EXOC4: variants seen among roughly 807,000 people sequenced by gnomAD.
The protein encoded by EXOC4 is SEC8-like 1.
EXOC4 carries 71 observed loss-of-function variants against 107.2 expected under a neutral mutation model. The ratio of observed to expected loss-of-function variants is 0.66; its 90% CI spans 0.55 to 0.81. EXOC4 has a LOEUF of 0.81. Among genes scored for constraint, EXOC4 ranks in the 30% least tolerant of loss-of-function variants. The pLI is 0.00. For synonymous variants in EXOC4, 456 were observed against 441.2 expected, an observed-to-expected ratio of 1.03 and a Z score of -0.42; for missense variants, 1,108 against 1,189.6, an observed-to-expected ratio of 0.93 and a Z score of 1.01.
chr7:133,576,059 T>C (rs1188745275), intron 9 of EXOC4, among the ~76,000 whole-genome samples: 27 of 152,218 alleles, frequency 1.8e-4, no homozygotes, highest in Admixed American at 7.2e-4. Context: ...ACTTTTCTTA[T>C]TATCTATTAG....
At chr7:133,650,002 A>G (rs1014074940) in intron 10 of EXOC4, among the ~76,000 whole-genome samples, 1 of 152,150 alleles carries the variant, frequency 6.6e-6, no homozygotes, top group African/African-American at 2.4e-5. Flanking sequence ...CCTAAGATTT[A>G]GTTATTTTCT....
intron 10 of EXOC4, among the ~76,000 whole-genome samples, chr7:133,809,913 C>A (rs918426200): frequency 1.3e-5 from 2 of 152,004 alleles, no homozygotes; most frequent in African/African-American, 2.4e-5. Flanking sequence ...GAAATTTGTA[C>A]CTTTGATTTT....
intron 13 of EXOC4, among the ~76,000 whole-genome samples, chr7:133,929,194 G>A (rs886812358): frequency 2.6e-5 from 4 of 151,932 alleles, no homozygotes; most frequent in East Asian, 1.9e-4. Context: ...GCCTCCCAAC[G>A]TGCTGGTATT....
At chr7:133,275,233 G>T in intron 2 of EXOC4, 62 bp downstream of exon 2, 1 of 1,344,520 alleles carries the variant, frequency 7.4e-7, no homozygotes, top group African/African-American at 1.5e-5. Context: ...GTTGCAGCTT[G>T]GAGAGGAGCC....
chr7:133,305,443 C>T (rs1794731132), intron 3 of EXOC4, among the ~76,000 whole-genome samples: 1 of 152,082 alleles, frequency 6.6e-6, no homozygotes, highest in Non-Finnish European at 1.5e-5. Flanking sequence ...GTCATGATTG[C>T]TGTGAGAACA....
chr7:133,659,438 C>T (rs1290839361), intron 10 of EXOC4, among the ~76,000 whole-genome samples: 3 of 152,090 alleles, frequency 2.0e-5, no homozygotes, highest in Non-Finnish European at 2.9e-5. Context: ...CCCATGCCTG[C>T]GTTCTGGGGA....
At chr7:134,048,709 T>C (rs903208670) in intron 17 of EXOC4, among the ~76,000 whole-genome samples, 1 of 152,174 alleles carries the variant, frequency 6.6e-6, no homozygotes. Flanking sequence ...CCAGGTCACA[T>C]TTGACCTGAA....
intron 9 of EXOC4, among the ~76,000 whole-genome samples, chr7:133,537,501 A>C (rs1800296249): frequency 6.6e-6 from 1 of 152,084 alleles, no homozygotes; most frequent in African/African-American, 2.4e-5. Flanking sequence ...CCCATACTTT[A>C]TCTTTCTAAG....
chr7:133,953,481 CA>C (rs11371516), intron 14 of EXOC4, among the ~76,000 whole-genome samples: 45,267 of 150,884 alleles, frequency 0.3, 7,196 homozygotes, highest in Non-Finnish European at 0.34. Flanking sequence ...CCCATTTGTA[CA>C]AAAAAAAATT....
At chr7:134,002,896 T>C (rs577490607) in intron 15 of EXOC4, among the ~76,000 whole-genome samples, 2 of 7,556 alleles carry the variant, frequency 2.6e-4, no homozygotes, top group East Asian at 8.5e-3. Flanking sequence ...TACAGCTCCT[T>C]TGGAAAGCAA....
chr7:133,780,872 A>G (rs1796451443), intron 10 of EXOC4, among the ~76,000 whole-genome samples: 1 of 152,156 alleles, frequency 6.6e-6, no homozygotes, highest in Admixed American at 6.5e-5. Flanking sequence ...GTATTTTTCA[A>G]ATGAAGAACT....
chr7:134,016,101 G>A (rs532693004), intron 17 of EXOC4, among the ~76,000 whole-genome samples: 102 of 152,170 alleles, frequency 6.7e-4, no homozygotes, highest in Admixed American at 1.2e-3. Flanking sequence ...GTAAGATAAG[G>A]ATACAGGAGG....
intron 11 of EXOC4, among the ~76,000 whole-genome samples, chr7:133,876,224 GT>G (rs1420833634): frequency 2.3e-4 from 9 of 38,908 alleles, no homozygotes; most frequent in East Asian, 9.9e-4. Flanking sequence ...ATGAAGAGGT[GT>G]GTGTGTGTGT....
chr7:133,533,829 A>T (rs1800224274), intron 9 of EXOC4, among the ~76,000 whole-genome samples: 1 of 152,150 alleles, frequency 6.6e-6, no homozygotes, highest in East Asian at 1.9e-4. Context: ...CCTGCTTAAC[A>T]GGAGTACAGT....
At chr7:133,381,300 T>G (rs1447229727) in intron 7 of EXOC4, among the ~76,000 whole-genome samples, 3 of 152,166 alleles carry the variant, frequency 2.0e-5, no homozygotes, top group Non-Finnish European at 4.4e-5. Flanking sequence ...CCTAGATGGC[T>G]AATGGCACAG....
intron 17 of EXOC4, among the ~76,000 whole-genome samples, chr7:134,051,367 T>C (rs1294201296): frequency 3.3e-5 from 5 of 152,128 alleles, no homozygotes; most frequent in African/African-American, 1.2e-4. Context: ...CTGGGAGAAG[T>C]GCCTTAAAAA....
At chr7:133,494,010 C>T (rs556768746) in intron 9 of EXOC4, among the ~76,000 whole-genome samples, 1 of 152,172 alleles carries the variant, frequency 6.6e-6, no homozygotes, top group East Asian at 1.9e-4. Flanking sequence ...AAAGGACAGC[C>T]CTTCTATTTA....
At chr7:133,563,292 A>G (rs1159606724) in intron 9 of EXOC4, among the ~76,000 whole-genome samples, 2 of 152,192 alleles carry the variant, frequency 1.3e-5, no homozygotes, top group Admixed American at 6.5e-5. Flanking sequence ...AGAATGTCTC[A>G]AGAAATGTAT....
chr7:134,029,424 T>G (rs1463784979), intron 17 of EXOC4, among the ~76,000 whole-genome samples: 2 of 152,322 alleles, frequency 1.3e-5, no homozygotes, highest in South Asian at 2.1e-4. Context: ...ACTTTAGGGC[T>G]GGATGGAGAA....
Sources: allele counts gnomAD v4.1 joint callset (sites outside exome capture counted in the v4.1 genomes callset), GRCh38; gene constraint gnomAD v4.1.1; transcripts MANE v1.5; gene names NCBI Gene and HGNC (gene_info 2026-07-23, HGNC 2026-07-21).